The following SORCS1 variants were observed in gnomAD, a reference collection of about 807,000 sequenced individuals.
The protein encoded by SORCS1 is sortilin related VPS10 domain containing receptor 1.
A neutral mutation model predicts 146.1 loss-of-function variants in SORCS1; 60 were observed. That is an observed-to-expected ratio of 0.41 (90% CI 0.33 to 0.51). The LOEUF (loss-of-function observed/expected upper bound fraction) is 0.51. Ranked by LOEUF, SORCS1 falls within the 20% of genes least tolerant of loss-of-function variation. The probability of loss-of-function intolerance (pLI) is 0.21; values close to 1 mark genes in which losing one functional copy is unlikely to be tolerated. For synonymous variants in SORCS1, 637 were observed against 584.0 expected, an observed-to-expected ratio of 1.09 and a Z score of -1.31; for missense variants, 1,352 against 1,487.6, an observed-to-expected ratio of 0.91 and a Z score of 1.50.
At chr10:106,865,213 G>A (rs1454902112) in intron 2 of SORCS1, among the ~76,000 whole-genome samples, 2 of 152,106 alleles carry the variant, frequency 1.3e-5, no homozygotes, top group African/African-American at 4.8e-5. Flanking sequence ...CACTGTGTGG[G>A]GCCTCCCAAC....
rs549770489 is a variant in SORCS1 at position 107,146,092 on chromosome 10, G to C, written c.558+17877C>G. Among the ~76,000 whole-genome samples, 4 of 152,266 alleles carry C rather than the reference G, an allele frequency of 2.6e-5. No homozygotes were observed. In the East Asian group the frequency reaches 7.7e-4, roughly 29 times the overall value. ...ATTTGCCTCAAAATTTGAAGACAAA[G>C]CAGAGACACTGAATGAGATTATCCA... On this transcript the variant is annotated intron_variant, in intron 1 of 25. Coordinates refer to ENST00000263054, the MANE Select transcript of SORCS1 (RefSeq NM_052918.5).
chr10:106,670,670 T>C (rs1851521635), intron 16 of SORCS1, among the ~76,000 whole-genome samples: 3 of 151,996 alleles, frequency 2.0e-5, no homozygotes, highest in Non-Finnish European at 4.4e-5. Flanking sequence ...TGTTGCTGTT[T>C]GAAGCAGCAC....
intron 4 of SORCS1, among the ~76,000 whole-genome samples, chr10:106,767,004 C>A (rs185785825): frequency 6.6e-6 from 1 of 152,148 alleles, no homozygotes; most frequent in African/African-American, 2.4e-5. Context: ...TAGCAAGAGA[C>A]CCAGTTTGGC....
chr10:106,946,944 T>C (rs1368809543), intron 2 of SORCS1, among the ~76,000 whole-genome samples: 1 of 152,166 alleles, frequency 6.6e-6, no homozygotes, highest in East Asian at 1.9e-4. Context: ...CAAAGATACA[T>C]AATTCACTAC....
chr10:106,669,091 C>G (rs1439420035), intron 16 of SORCS1, among the ~76,000 whole-genome samples: 2 of 152,092 alleles, frequency 1.3e-5, no homozygotes, highest in African/African-American at 2.4e-5. Flanking sequence ...TGCATTTCAG[C>G]TGGTGGGATG....
intron 2 of SORCS1, among the ~76,000 whole-genome samples, chr10:106,874,066 A>G (rs1170630656): frequency 2.6e-5 from 4 of 152,248 alleles, no homozygotes; most frequent in African/African-American, 9.6e-5. Flanking sequence ...TAGTCAATAT[A>G]GAGTACTTTA....
chr10:106,960,173 C>T lies in SORCS1; in HGVS notation c.559-3593G>A, dbSNP rs946070517. 1.3e-5 allele frequency among the ~76,000 whole-genome samples: 2 copies of T among 152,130 alleles called. No homozygotes were observed. The highest frequency in any genetic ancestry group is 4.8e-5 in the African/African-American group (2 of 41,418). On this transcript the variant is annotated intron_variant, in intron 1 of 25. Transcript: ENST00000263054. This position sits in a 1 kb window ranked among gnomAD's most constrained non-coding sequence, Gnocchi z 4.4. ...GGATATTATCTTTAAATAGCTATGA[C>T]CCAAATTATCTAAGACTTGATAACC...
At chr10:106,578,609 C>G in intron 25 of SORCS1, 1 of 972,206 alleles carries the variant, frequency 1.0e-6, no homozygotes, top group Non-Finnish European at 1.2e-6. Context: ...GCTGGCCACT[C>G]TCATTATGTC....
chr10:106,849,732 C>A (rs1307344305), intron 2 of SORCS1, among the ~76,000 whole-genome samples: 4 of 151,178 alleles, frequency 2.6e-5, no homozygotes, highest in Non-Finnish European at 5.9e-5. Flanking sequence ...TACTTTTGGT[C>A]TTTGATGATG....
At chr10:106,830,255 A>T (rs1049058597) in intron 2 of SORCS1, among the ~76,000 whole-genome samples, 1 of 152,220 alleles carries the variant, frequency 6.6e-6, no homozygotes, top group African/African-American at 2.4e-5. Context: ...TGACTTCTCG[A>T]CACTGACACT....
chr10:107,162,393 A>G (rs1969777870), intron 1 of SORCS1, among the ~76,000 whole-genome samples: 1 of 152,254 alleles, frequency 6.6e-6, no homozygotes, highest in African/African-American at 2.4e-5. Context: ...CAGTTTAAGA[A>G]GATTCGAGTT....
intron 1 of SORCS1, among the ~76,000 whole-genome samples, chr10:107,100,834 A>G (rs774014808): frequency 6.6e-6 from 1 of 152,032 alleles, no homozygotes; most frequent in African/African-American, 2.4e-5. Context: ...GTTACTTTAC[A>G]CTTCTCCCTC....
chr10:107,046,549 A>G (rs1276198026), intron 1 of SORCS1, among the ~76,000 whole-genome samples: 1 of 152,154 alleles, frequency 6.6e-6, no homozygotes, highest in Non-Finnish European at 1.5e-5. Context: ...ATCAACATAC[A>G]ACCCAGAAAG....
intron 3 of SORCS1, among the ~76,000 whole-genome samples, chr10:106,796,712 A>C (rs1946575860): frequency 6.6e-6 from 1 of 152,180 alleles, no homozygotes; most frequent in African/African-American, 2.4e-5. Flanking sequence ...AACTTTTACT[A>C]ATGGATCTGA....
At chr10:107,100,230 T>C (rs1964821381) in intron 1 of SORCS1, among the ~76,000 whole-genome samples, 1 of 152,036 alleles carries the variant, frequency 6.6e-6, no homozygotes, top group South Asian at 2.1e-4. Flanking sequence ...AATAAGTAAA[T>C]AGGCCGGGTG....
the SORCS1 span, among the ~76,000 whole-genome samples, chr10:107,173,081 C>T: frequency 2.0e-5 from 3 of 152,114 alleles, no homozygotes; most frequent in Admixed American, 2.0e-4. Flanking sequence ...CGAGCAGGAT[C>T]CTGTACCTTC....
rs1388593994 is a variant in SORCS1 at position 107,135,753 on chromosome 10, C to T, written c.558+28216G>A. On this transcript the variant is annotated intron_variant, in intron 1 of 25. Transcript: ENST00000263054. ...ATAATGAAACGACATATATTAAATACCCAGTAAAGTGCCTGGCCAGTAGGA... is the reference window on the plus strand; with the variant it reads ...ATAATGAAACGACATATATTAAATATCCAGTAAAGTGCCTGGCCAGTAGGA... Among the ~76,000 whole-genome samples, 4 of 152,120 alleles carry T rather than the reference C, an allele frequency of 2.6e-5. No individual in the cohort carries two copies. The East Asian group carries it at 7.7e-4, about 29-fold the overall frequency.
rs953462584 is a variant in SORCS1, at chr10:106,913,378, A to G, written c.626+43135T>C. Among the ~76,000 whole-genome samples the G allele has an allele frequency of 7.2e-5, 11 of 152,206 alleles. No homozygotes were observed. The East Asian group carries it at 2.1e-3, about 29-fold the overall frequency. On this transcript the variant is annotated intron_variant, in intron 2 of 25. Transcript: ENST00000263054. ...AAAGGTGCTGCTGGAACTGCAATACACCAATTCTTCATTTAAATATCTTGT... is the reference window on the plus strand; with the variant it reads ...AAAGGTGCTGCTGGAACTGCAATACGCCAATTCTTCATTTAAATATCTTGT...
intron 24 of SORCS1, among the ~76,000 whole-genome samples, chr10:106,588,860 CAAAAAAAAAAAAAAA>C (rs778852501): frequency 2.8e-4 from 10 of 35,116 alleles, no homozygotes; most frequent in Non-Finnish European, 6.0e-4. Context: ...GACTCCATCT[CAAAAAAAAAAAAAAA>C]AAAAAAAAAA....
Sources: allele counts gnomAD v4.1 joint callset (sites outside exome capture counted in the v4.1 genomes callset), GRCh38; gene constraint gnomAD v4.1.1; non-coding constraint Gnocchi (gnomAD v3.1); transcripts MANE v1.5; gene names NCBI Gene and HGNC (gene_info 2026-07-23, HGNC 2026-07-21).